CDK15: variants seen among roughly 807,000 people sequenced by gnomAD.
CDK15 encodes cyclin dependent kinase 15, also known as cyclin-dependent kinase 15.
Under a neutral mutation model 60.3 loss-of-function variants are expected in CDK15, and 62 were observed. The observed-to-expected ratio is 1.03, with a 90% CI of 0.84 to 1.27. The LOEUF is 1.27. CDK15 is among the 50% of genes most tolerant of loss of function. CDK15 has a pLI of 0.00. For missense variants in CDK15, 541 were observed against 527.8 expected (o/e 1.03, Z -0.25); for synonymous variants, 194 against 195.7 (o/e 0.99, Z 0.07).
intron 8 of CDK15, among the ~76,000 whole-genome samples, chr2:201,835,992 T>TTATA (rs370760082): frequency 8.6e-6 from 1 of 116,446 alleles, no homozygotes. Flanking sequence ...TTTTATATAT[T>TTATA]TATATATATT....
rs774290192 is a variant in CDK15, at chr2:201,823,663, A to G, written c.544-2A>G. 6.2e-7 allele frequency: 1 copy of G among 1,613,712 alleles called. No individual in the cohort carries two copies. The highest frequency in any genetic ancestry group is 2.2e-5 in the East Asian group (1 of 44,868). On this transcript the variant is annotated splice_acceptor_variant, in intron 5 of 13. Transcript: ENST00000652192. LOFTEE classifies it high-confidence loss of function. Reference sequence around the variant, plus strand: ...CTTCTCTTTCTCCGCTGTTTTATTTAGCACACAGACCTGGCCCAGTATATG... The same window carrying G: ...CTTCTCTTTCTCCGCTGTTTTATTTGGCACACAGACCTGGCCCAGTATATG...
chr2:201,823,800 C>T, intron 6 of CDK15, 73 bp downstream of exon 6: 2 of 1,275,678 alleles, frequency 1.6e-6, no homozygotes, highest in East Asian at 2.3e-5. Flanking sequence ...GACTGTCTCA[C>T]AAAGCAAAGT....
intron 2 of CDK15, 27 bp downstream of exon 2, chr2:201,807,670 G>A (rs1559110747): frequency 1.9e-6 from 3 of 1,613,572 alleles, no homozygotes; most frequent in Non-Finnish European, 2.5e-6. Context: ...TGTTGATCAA[G>A]AAGAATTTAA....
At chr2:201,810,963 C>T (rs774230648) in intron 3 of CDK15, among the ~76,000 whole-genome samples, 4 of 150,992 alleles carry the variant, frequency 2.6e-5, no homozygotes, top group Non-Finnish European at 5.9e-5. Flanking sequence ...TCCTCTCAGC[C>T]TCCTGAGTAG....
chr2:201,823,837 C>T (rs1193646906), intron 6 of CDK15, 110 bp downstream of exon 6: 1 of 823,958 alleles, frequency 1.2e-6, no homozygotes, highest in Non-Finnish European at 1.9e-6. Context: ...AGAGGATGGA[C>T]ATCACTGATA....
chr2:201,869,127 C>T (rs1698752849), intron 10 of CDK15, among the ~76,000 whole-genome samples: 1 of 152,170 alleles, frequency 6.6e-6, no homozygotes, highest in Admixed American at 6.5e-5. Context: ...TTGGAACCAA[C>T]TCAAATGTCC....
intron 6 of CDK15, among the ~76,000 whole-genome samples, chr2:201,829,519 T>A (rs529066080): frequency 6.6e-6 from 1 of 152,290 alleles, no homozygotes; most frequent in African/African-American, 2.4e-5. Context: ...AAAAATTTAT[T>A]TTGGAGAGAT....
intron 6 of CDK15, chr2:201,824,702 C>T: frequency 4.8e-6 from 2 of 415,482 alleles, no homozygotes; most frequent in South Asian, 3.2e-5. Context: ...AACCCAAGAG[C>T]CATATCAGCG....
intron 4 of CDK15, among the ~76,000 whole-genome samples, chr2:201,815,938 A>T (rs1695971318): frequency 6.6e-6 from 1 of 152,224 alleles, no homozygotes; most frequent in Non-Finnish European, 1.5e-5. Flanking sequence ...GTCTGAGGTC[A>T]CAGAGATAGT....
intron 9 of CDK15, among the ~76,000 whole-genome samples, chr2:201,850,192 T>C (rs1697848439): frequency 6.6e-6 from 1 of 152,152 alleles, no homozygotes; most frequent in Admixed American, 6.5e-5. Context: ...CCCTACTGCT[T>C]GGGAGGCTGA....
chr2:201,879,745 G>A (rs1438873261), intron 11 of CDK15, among the ~76,000 whole-genome samples: 1 of 152,068 alleles, frequency 6.6e-6, no homozygotes, highest in African/African-American at 2.4e-5. Context: ...TTATATTTCT[G>A]TGTCTTTTAT....
Position 201,880,267 on chromosome 2 carries a change from T to C in CDK15, c.1198+100T>C, listed in dbSNP as rs1016559775. The C allele has an allele frequency of 8.7e-6, 12 of 1,372,246 alleles. No individual in the cohort carries two copies. In the African/African-American group the frequency reaches 1.6e-4, roughly 18 times the overall value. 85.0% of individuals were successfully genotyped at this position (1,372,246 alleles called of 1,614,324 possible). ...AGTAGTTTGCCTCAGCACCGGAGAA[T>C]CATAGCATTTACCCCCAGGAGTGAA... On this transcript the variant is annotated intron_variant, in intron 12 of 13. Coordinates refer to ENST00000652192, the MANE Select transcript of CDK15 (RefSeq NM_001366386.2).
intron 4 of CDK15, among the ~76,000 whole-genome samples, chr2:201,814,666 TAA>T (rs995739248): frequency 1.4e-4 from 21 of 152,252 alleles, no homozygotes; most frequent in African/African-American, 5.1e-4. Flanking sequence ...GGTCACTAGC[TAA>T]AAAGGCAACC....
intron 6 of CDK15, among the ~76,000 whole-genome samples, chr2:201,824,217 CA>C (rs1696360995): frequency 6.6e-6 from 1 of 152,164 alleles, no homozygotes; most frequent in East Asian, 1.9e-4. Context: ...TATAATTCTA[CA>C]TCTGTTATAA....
chr2:201,820,869 C>T (rs1696191609), intron 4 of CDK15, among the ~76,000 whole-genome samples: 1 of 152,044 alleles, frequency 6.6e-6, no homozygotes, highest in Admixed American at 6.5e-5. Flanking sequence ...ACTCTGGGGG[C>T]AAAAAGTAAA....
rs1020218805 is a variant in CDK15, at chr2:201,882,337, C to G, written c.1198+2170C>G. 6.6e-6 allele frequency among the ~76,000 whole-genome samples: 1 copy of G among 152,156 alleles called. No individual in the cohort carries two copies. The highest frequency in any genetic ancestry group is 2.1e-4 in the South Asian group (1 of 4,828). ...GGAATCTTGTAGGAGGCTGCCTGCA[C>G]TAGCGGGGGAAACCAGGAGTGCTCA... On this transcript the variant is annotated intron_variant, in intron 12 of 13. Transcript: ENST00000652192. This position sits in a 1 kb window ranked among gnomAD's most constrained non-coding sequence, Gnocchi z 4.0.
rs114384296 is a variant in CDK15 at position 201,844,233 on chromosome 2, C to G, written c.852-3148C>G. On this transcript the variant is annotated intron_variant, in intron 8 of 13. Coordinates refer to ENST00000652192, the MANE Select transcript of CDK15 (RefSeq NM_001366386.2). ...CAATTATGCATGTATTTTATATACA[C>G]AGACACGTATTTATTTTTACTCCAA... Among the ~76,000 whole-genome samples, 389 of 152,244 alleles carry G rather than the reference C, an allele frequency of 2.6e-3. 1 individual carries two copies. The highest frequency in any genetic ancestry group is 4.5e-3 in the Non-Finnish European group (304 of 68,018).
At chr2:201,812,125 G>A (rs1179679211) in intron 3 of CDK15, among the ~76,000 whole-genome samples, 29 of 143,498 alleles carry the variant, frequency 2.0e-4, no homozygotes, top group African/African-American at 6.5e-4. Context: ...AGTGAGCCAA[G>A]ATCGTGCCAC....
At chr2:201,826,231 C>T (rs1021578180) in intron 6 of CDK15, among the ~76,000 whole-genome samples, 3 of 152,018 alleles carry the variant, frequency 2.0e-5, no homozygotes, top group African/African-American at 4.8e-5. Flanking sequence ...GAGGCCGAGG[C>T]GGGTGGATCA....
Sources: allele counts gnomAD v4.1 joint callset (sites outside exome capture counted in the v4.1 genomes callset), GRCh38; gene constraint gnomAD v4.1.1; non-coding constraint Gnocchi (gnomAD v3.1); transcripts MANE v1.5; gene names NCBI Gene and HGNC (gene_info 2026-07-23, HGNC 2026-07-21).